The following KRT80 variants were observed in gnomAD, a reference collection of about 807,000 sequenced individuals.
KRT80 encodes the protein keratin 80.
In KRT80, 36 loss-of-function variants were observed where a neutral mutation model predicts 51.5. The ratio of observed to expected loss-of-function variants is 0.70; its 90% CI spans 0.54 to 0.92. KRT80 has a LOEUF of 0.92. KRT80 is among the 40% of genes least tolerant of loss of function. The probability of loss-of-function intolerance (pLI) is 0.00; values close to 1 mark genes in which losing one functional copy is unlikely to be tolerated. For synonymous variants in KRT80, 235 were observed against 248.3 expected (o/e 0.95, Z 0.50); for missense variants, 566 against 591.7 (o/e 0.96, Z 0.45).
intron 4 of KRT80, among the ~76,000 whole-genome samples, chr12:52,176,456 G>A (rs1349598756): frequency 2.6e-5 from 4 of 151,796 alleles, no homozygotes; most frequent in African/African-American, 9.7e-5. Flanking sequence ...TCTGGACACT[G>A]AATGCCATCA....
chr12:52,183,624 A>C (rs182407030), intron 2 of KRT80, among the ~76,000 whole-genome samples: 121 of 152,376 alleles, frequency 7.9e-4, no homozygotes, highest in African/African-American at 2.5e-3. Context: ...GTCAGGTAGC[A>C]GGCGGATAGA....
intron 2 of KRT80, among the ~76,000 whole-genome samples, chr12:52,181,381 A>G (rs974675131): frequency 6.7e-6 from 1 of 150,202 alleles, no homozygotes; most frequent in African/African-American, 2.5e-5. Context: ...CACCTCTCCC[A>G]CCTCCATGCC....
intron 1 of KRT80, among the ~76,000 whole-genome samples, chr12:52,188,812 C>T (rs1230879976): frequency 6.6e-6 from 1 of 152,176 alleles, no homozygotes; most frequent in East Asian, 1.9e-4. Flanking sequence ...TCTGTGTGTG[C>T]GTGAAGGCAA....
chr12:52,180,818 G>A, intron 3 of KRT80, 85 bp downstream of exon 3: 1 of 1,604,348 alleles, frequency 6.2e-7, no homozygotes, highest in Non-Finnish European at 8.5e-7. Flanking sequence ...CTTTGATTGG[G>A]CATAAAGGAG....
At chr12:52,172,155 C>T (rs777121530) in intron 7 of KRT80, 43 bp downstream of exon 7, 10 of 1,601,778 alleles carry the variant, frequency 6.2e-6, no homozygotes, top group Admixed American at 3.3e-5. Flanking sequence ...GGCCTCCAGC[C>T]CTCCTTCCCC....
In KRT80 at chr12:52,169,631, C is replaced by T. The variant is rs61915222; in HGVS notation, c.*1767G>A. The T allele has an allele frequency of 0.011, 1,722 of 152,684 alleles. 24 individuals are homozygous for T. The highest frequency in any genetic ancestry group is 0.046 in the South Asian group (223 of 4,830). The allele number at this position is 152,684 out of a possible 1,614,324, so 9.5% of individuals were successfully genotyped here. ...GGTGGCTGGAGTATGTGTTATCTTT[C>T]CAGATAGTACATACAGACTGATCAT... On this transcript the variant is annotated 3_prime_UTR_variant, in exon 9 of 9. Coordinates refer to ENST00000394815, the MANE Select transcript of KRT80 (RefSeq NM_182507.3).
chr12:52,184,836 C>G (rs1941377994), intron 2 of KRT80, among the ~76,000 whole-genome samples: 2 of 152,204 alleles, frequency 1.3e-5, no homozygotes, highest in South Asian at 4.1e-4. Context: ...TGTCTCTTTC[C>G]AAGTCTACCT....
chr12:52,173,311 C>T (rs1941152261), intron 5 of KRT80, 148 bp from the exon 6 acceptor site: 2 of 1,094,164 alleles, frequency 1.8e-6, no homozygotes, highest in Non-Finnish European at 2.4e-6. Context: ...CTCCCCCTTC[C>T]ACCTCCCTTT....
In KRT80 at chr12:52,185,307, T is replaced by A. The variant is rs181088088; in HGVS notation, c.509+72A>T. On this transcript the variant is annotated intron_variant, in intron 2 of 8. Coordinates refer to ENST00000394815, the MANE Select transcript of KRT80 (RefSeq NM_182507.3). ...ATCTTTCCTCTTTCTCTGGCTTAAGTGCCTCCCATCTGAGCACAGCTTGGT... is the reference window on the plus strand; with the variant it reads ...ATCTTTCCTCTTTCTCTGGCTTAAGAGCCTCCCATCTGAGCACAGCTTGGT... 2.1e-6 allele frequency: 3 copies of A among 1,406,504 alleles called. No homozygotes were observed. In the East Asian group the frequency reaches 6.9e-5, roughly 32 times the overall value. The allele number at this position is 1,406,504 out of a possible 1,614,324, so 87.1% of individuals were successfully genotyped here.
chr12:52,187,952 G>A (rs1312065720), intron 1 of KRT80, among the ~76,000 whole-genome samples: 1 of 152,170 alleles, frequency 6.6e-6, no homozygotes, highest in Non-Finnish European at 1.5e-5. Flanking sequence ...CTATGCTTCA[G>A]CACTAGCTCG....
chr12:52,174,824 T>G (rs991598860), intron 4 of KRT80, among the ~76,000 whole-genome samples: 1 of 152,172 alleles, frequency 6.6e-6, no homozygotes, highest in African/African-American at 2.4e-5. Flanking sequence ...CTAGCCAGAA[T>G]GCTCAGGGGT....
rs753528590 is a variant in KRT80 at position 52,173,651 on chromosome 12, G to A, written c.780C>T (p.Asp260=). 4.5e-5 allele frequency: 73 copies of A among 1,613,000 alleles called. No individual in the cohort carries two copies. The highest frequency in any genetic ancestry group is 4.9e-5 in the Non-Finnish European group (58 of 1,180,048). ...CCTCCAGGCTGCGAGCCGCGACGGC[G>A]TCATACTGGGCCTTCACCTCCTCCA... is the stretch of plus-strand genomic sequence containing the variant. ...GIVEEVKAQY[D]AVAARSLEEA... The change falls in exon 5 of 9, where the codon GAC becomes GAT. Residue 260 remains aspartate, a synonymous_variant. Transcript: ENST00000394815.
At position 52,178,416 on chromosome 12, in the gene KRT80, G is replaced by A. The variant is rs1941268007; in HGVS notation, c.666+2097C>T. 2.6e-5 allele frequency among the ~76,000 whole-genome samples: 4 copies of A among 152,152 alleles called. No individual in the cohort carries two copies. In the South Asian group the frequency reaches 6.2e-4, roughly 24 times the overall value. On this transcript the variant is annotated intron_variant, in intron 4 of 8. Coordinates refer to ENST00000394815, the MANE Select transcript of KRT80 (RefSeq NM_182507.3). ...TTCTTTCTTTTTCTTTAATCGCCAG[G>A]CTCCCCTCCTGCCTTAGGGGCTTTG...
At chr12:52,183,359 T>G (rs1057085932) in intron 2 of KRT80, among the ~76,000 whole-genome samples, 1 of 152,154 alleles carries the variant, frequency 6.6e-6, no homozygotes, top group Non-Finnish European at 1.5e-5. Flanking sequence ...CCCCCGCAAC[T>G]TGTTTATTTC....
intron 1 of KRT80, among the ~76,000 whole-genome samples, chr12:52,186,375 C>T (rs1486000483): frequency 6.6e-6 from 1 of 152,166 alleles, no homozygotes; most frequent in Non-Finnish European, 1.5e-5. Context: ...CCCCATGAGA[C>T]TGTGGGGACA....
At chr12:52,184,237 G>T (rs1941367138) in intron 2 of KRT80, among the ~76,000 whole-genome samples, 1 of 152,148 alleles carries the variant, frequency 6.6e-6, no homozygotes, top group South Asian at 2.1e-4. Flanking sequence ...GAGACCAAGG[G>T]TTCAGCCTGC....
At position 52,169,435 on chromosome 12, in the gene KRT80, A is replaced by G. The variant is rs1238920663; in HGVS notation, c.*1963T>C. On this transcript the variant is annotated 3_prime_UTR_variant, in exon 9 of 9. Coordinates refer to ENST00000394815, the MANE Select transcript of KRT80 (RefSeq NM_182507.3). ...TAAGTCCCTGGACTTTTTCTCCCTT[A>G]ATTGGAGAATTCCTAATGTTCCATG... The G allele has an allele frequency of 2.0e-5, 3 of 152,598 alleles. No individual in the cohort carries two copies. Among genetic ancestry groups the G allele is most frequent in the African/African-American group, 7.2e-5 (3 of 41,448 alleles). The allele number at this position is 152,598 out of a possible 1,614,324, so 9.5% of individuals were successfully genotyped here. A position where few individuals can be genotyped will look rare whatever the true frequency, so the allele number is the denominator to read the frequency against.
Position 52,171,660 on chromosome 12 carries a change from G to C in KRT80, c.1232C>G (p.Thr411Ser). The change falls in exon 8 of 9, where the codon ACC becomes AGC. Residue 411 changes from threonine to serine, a missense_variant and splice_region_variant. By Grantham distance (58) the Thr-to-Ser change is moderately conservative. Transcript: ENST00000394815. ...VVSAVQSRCK[T>S]AASRSGLSKA... ...GTTCTCGGGGCAAGAGGACTCACCG[G>C]TTTTGCACCTGGACTGCACAGCGCT... 7.5e-7 allele frequency: 1 copy of C among 1,341,092 alleles called. No individual in the cohort carries two copies. The highest frequency in any genetic ancestry group is 9.9e-7 in the Non-Finnish European group (1 of 1,013,580). 83.1% of individuals were successfully genotyped at this position (1,341,092 alleles called of 1,614,324 possible).
At position 52,185,439 on chromosome 12, in the gene KRT80, C is replaced by A. The variant is rs145246078; in HGVS notation, c.449G>T (p.Arg150Leu). 2 of 1,614,070 alleles carry A rather than the reference C, an allele frequency of 1.2e-6. No homozygotes were observed. The highest frequency in any genetic ancestry group is 1.7e-6 in the Non-Finnish European group (2 of 1,180,026). ...CAGCAGGTTGGCCTCCAGCTGCCCCCGCTCCTGGCTCACTTTGCGCAGTTC... is the reference window on the plus strand; with the variant it reads ...CAGCAGGTTGGCCTCCAGCTGCCCCAGCTCCTGGCTCACTTTGCGCAGTTC... ...QEELRKVSQERGQLEANLLQV... is the reference protein window; with the variant it reads ...QEELRKVSQELGQLEANLLQV... The change falls in exon 2 of 9, where the codon CGG (arginine) becomes CTG (leucine). Residue 150 changes from arginine to leucine, a missense_variant. Physicochemically the swap from Arg to Leu is moderately radical, Grantham distance 102. Coordinates refer to ENST00000394815, the MANE Select transcript of KRT80 (RefSeq NM_182507.3).
Sources: gnomAD v4.1 joint callset for allele counts (sites outside exome capture counted in the v4.1 genomes callset) on GRCh38, gnomAD v4.1.1 for gene constraint, MANE v1.5 for transcripts, NCBI Gene and HGNC (gene_info 2026-07-23, HGNC 2026-07-21) for gene names.